The following COL25A1 variants were observed in gnomAD, a reference collection of about 807,000 sequenced individuals.
The protein encoded by COL25A1 is collagen alpha-1(XXV) chain.
COL25A1 carries 103 observed loss-of-function variants against 128.4 expected under a neutral mutation model. The ratio of observed to expected loss-of-function variants is 0.80; its 90% CI spans 0.68 to 0.94. The LOEUF is 0.94. COL25A1 is among the 40% of genes least tolerant of loss of function. COL25A1 has a pLI of 0.00. For synonymous variants in COL25A1, 279 were observed against 277.2 expected (o/e 1.01, Z -0.06); for missense variants, 745 against 840.0 (o/e 0.89, Z 1.40).
chr4:108,820,478 T>C (rs1460170308), intron 35 of COL25A1, among the ~76,000 whole-genome samples: 3 of 152,264 alleles, frequency 2.0e-5, no homozygotes, highest in Non-Finnish European at 4.4e-5. Flanking sequence ...TATCTTTTAA[T>C]ATTTTTTACA....
chr4:108,988,204 T>C (rs78227087), intron 6 of COL25A1, among the ~76,000 whole-genome samples: 6,801 of 152,302 alleles, frequency 0.045, 419 homozygotes, highest in African/African-American at 0.14. Flanking sequence ...CAGGTTTTTC[T>C]GTAAATATTA....
rs1392703735 is a variant in COL25A1, at chr4:109,000,511, T to A, written c.438+9847A>T. 2.0e-5 allele frequency among the ~76,000 whole-genome samples: 3 copies of A among 152,150 alleles called. No individual in the cohort carries two copies. In the East Asian group the frequency reaches 5.8e-4, roughly 29 times the overall value. On this transcript the variant is annotated intron_variant, in intron 6 of 37. Coordinates refer to ENST00000399132, the MANE Select transcript of COL25A1 (RefSeq NM_198721.4). The stretch of plus-strand genomic sequence containing the variant: ...CTGTAATCCCAGCACTTTGGGAGGC[T>A]GAGGCAGGAGGATCACCTGAGGTCA...
intron 8 of COL25A1, among the ~76,000 whole-genome samples, chr4:108,963,610 T>G (rs1420933083): frequency 1.3e-5 from 2 of 152,092 alleles, no homozygotes; most frequent in Non-Finnish European, 2.9e-5. Context: ...AATCTTATAT[T>G]TGGATTCAAG....
At chr4:108,838,860 C>A (rs1388602359) in intron 31 of COL25A1, among the ~76,000 whole-genome samples, 1 of 152,086 alleles carries the variant, frequency 6.6e-6, no homozygotes, top group Non-Finnish European at 1.5e-5. Context: ...ATAAAAGCCA[C>A]GGTAAATGAT....
chr4:108,933,739 TTATTAC>T (rs1747045665), intron 11 of COL25A1, among the ~76,000 whole-genome samples: 1 of 152,074 alleles, frequency 6.6e-6, no homozygotes, highest in African/African-American at 2.4e-5. Flanking sequence ...AGAACAGGAA[TTATTAC>T]CTACATTTTA....
intron 3 of COL25A1, among the ~76,000 whole-genome samples, chr4:109,086,002 G>T (rs1017491509): frequency 9.2e-5 from 14 of 152,182 alleles, no homozygotes; most frequent in Non-Finnish European, 1.8e-4. Flanking sequence ...GGAAGCCCCA[G>T]GAGGACACTT....
intron 3 of COL25A1, among the ~76,000 whole-genome samples, chr4:109,128,068 T>C (rs1168591539): frequency 6.6e-6 from 1 of 152,090 alleles, no homozygotes; most frequent in African/African-American, 2.4e-5. Flanking sequence ...TAGCTGGGGC[T>C]GAGAAGTAAA....
At chr4:109,205,517 T>C (rs1323047997) in intron 3 of COL25A1, among the ~76,000 whole-genome samples, 5 of 152,010 alleles carry the variant, frequency 3.3e-5, no homozygotes, top group Admixed American at 2.0e-4. Context: ...TCCCCACAGA[T>C]TGGAAAATAA....
At chr4:108,983,244 T>G (rs1199261267) in intron 6 of COL25A1, among the ~76,000 whole-genome samples, 1 of 152,212 alleles carries the variant, frequency 6.6e-6, no homozygotes, top group Admixed American at 6.5e-5. Flanking sequence ...GGTGAAAGAC[T>G]TGGAATCCTA....
intron 3 of COL25A1, among the ~76,000 whole-genome samples, chr4:109,120,617 T>C (rs1339908284): frequency 2.0e-5 from 3 of 151,984 alleles, no homozygotes; most frequent in Non-Finnish European, 4.4e-5. Context: ...GAGACCAGCC[T>C]GGGAAACACG....
intron 3 of COL25A1, among the ~76,000 whole-genome samples, chr4:109,259,803 A>C (rs1578572514): frequency 6.6e-6 from 1 of 152,304 alleles, no homozygotes; most frequent in African/African-American, 2.4e-5. Flanking sequence ...TTTTATACCT[A>C]TCTCTGGCAT....
intron 27 of COL25A1, among the ~76,000 whole-genome samples, chr4:108,848,442 T>C (rs977437772): frequency 3.4e-4 from 52 of 152,330 alleles, no homozygotes; most frequent in Admixed American, 7.8e-4. Flanking sequence ...TCTTGACATA[T>C]TTGTATTCAC....
intron 21 of COL25A1, 110 bp downstream of exon 21, chr4:108,863,209 T>G (rs552903350): frequency 5.1e-6 from 5 of 980,558 alleles, no homozygotes; most frequent in Non-Finnish European, 7.9e-6. Flanking sequence ...CAACAAACTA[T>G]TTGTGATTTG....
chr4:109,022,461 A>T (rs1757869043), intron 5 of COL25A1, among the ~76,000 whole-genome samples: 1 of 152,224 alleles, frequency 6.6e-6, no homozygotes, highest in Non-Finnish European at 1.5e-5. Flanking sequence ...ATGTGGATGG[A>T]AAACCAGATA....
At chr4:108,825,338 T>A (rs772667592) in intron 33 of COL25A1, 116 bp from the exon 34 acceptor site, 7 of 807,146 alleles carry the variant, frequency 8.7e-6, no homozygotes, top group Non-Finnish European at 1.3e-5. Flanking sequence ...ACTTCAGAAA[T>A]GTGAAAAAGA....
intron 11 of COL25A1, among the ~76,000 whole-genome samples, chr4:108,928,081 A>G (rs1746280467): frequency 6.6e-6 from 1 of 152,206 alleles, no homozygotes; most frequent in Non-Finnish European, 1.5e-5. Flanking sequence ...AGAAAAATTA[A>G]CAGGCTTCTT....
At chr4:109,146,963 A>C (rs1214736715) in intron 3 of COL25A1, among the ~76,000 whole-genome samples, 2 of 152,218 alleles carry the variant, frequency 1.3e-5, no homozygotes, top group Admixed American at 6.5e-5. Flanking sequence ...ACCTGACACA[A>C]AGTGGAACGA....
chr4:109,123,053 A>G (rs1322160590), intron 3 of COL25A1, among the ~76,000 whole-genome samples: 1 of 152,106 alleles, frequency 6.6e-6, no homozygotes, highest in African/African-American at 2.4e-5. Context: ...CACAAAAGCT[A>G]TGCAAGGAGA....
chr4:109,245,497 C>T (rs2126236038), intron 3 of COL25A1, among the ~76,000 whole-genome samples: 1 of 152,270 alleles, frequency 6.6e-6, no homozygotes, highest in South Asian at 2.1e-4. Flanking sequence ...AATGCAGGAA[C>T]ATTTCAGAGT....
Sources: allele counts gnomAD v4.1 joint callset (sites outside exome capture counted in the v4.1 genomes callset), GRCh38; gene constraint gnomAD v4.1.1; transcripts MANE v1.5; gene names NCBI Gene and HGNC (gene_info 2026-07-23, HGNC 2026-07-21).